HLTF: variants seen among roughly 807,000 people sequenced by gnomAD.
The protein encoded by HLTF is DNA-dependent ATPase/E3 ubiquitin-protein ligase HLTF.
Under a neutral mutation model 129.4 loss-of-function variants are expected in HLTF, and 127 were observed. The ratio of observed to expected loss-of-function variants is 0.98; its 90% CI spans 0.85 to 1.14. HLTF has a LOEUF of 1.14. Ranked by LOEUF, HLTF falls within the 50% of genes most tolerant of loss-of-function variation. The probability of loss-of-function intolerance (pLI) is 0.00; values close to 1 mark genes in which losing one functional copy is unlikely to be tolerated. For synonymous variants in HLTF, 332 were observed against 388.8 expected, an observed-to-expected ratio of 0.85 and a Z score of 1.72; for missense variants, 1,139 against 1,187.1, an observed-to-expected ratio of 0.96 and a Z score of 0.60.
At chr3:149,034,427 G>A (rs1353900774) in intron 24 of HLTF, among the ~76,000 whole-genome samples, 1 of 152,134 alleles carries the variant, frequency 6.6e-6, no homozygotes, top group Non-Finnish European at 1.5e-5. Context: ...GGGCTGGGGG[G>A]AGAGGAATGG....
At chr3:149,047,821 C>G (rs766410203) in intron 17 of HLTF, among the ~76,000 whole-genome samples, 2 of 152,038 alleles carry the variant, frequency 1.3e-5, no homozygotes, top group African/African-American at 4.8e-5. Context: ...TTAGCCACAA[C>G]AGGGGAAGGG....
intron 2 of HLTF, among the ~76,000 whole-genome samples, chr3:149,081,429 C>T (rs571764469): frequency 2.0e-5 from 3 of 152,044 alleles, no homozygotes; most frequent in Admixed American, 1.3e-4. Flanking sequence ...GTGCTCAAAT[C>T]GCAAGTCCAA....
chr3:149,073,400 A>G (rs1300845946), intron 4 of HLTF, 78 bp from the exon 5 acceptor site: 6 of 998,440 alleles, frequency 6.0e-6, no homozygotes, highest in African/African-American at 3.2e-5. Context: ...CTTTTAAAAT[A>G]TGCATTAACA....
chr3:149,037,785 G>A (rs528681238), intron 23 of HLTF, among the ~76,000 whole-genome samples: 15 of 152,254 alleles, frequency 9.9e-5, no homozygotes, highest in African/African-American at 3.6e-4. Flanking sequence ...ACAGCAGAGG[G>A]TTGCCTTTAG....
chr3:149,078,218 T>C (rs111876178), intron 2 of HLTF, among the ~76,000 whole-genome samples: 13 of 152,264 alleles, frequency 8.5e-5, no homozygotes, highest in East Asian at 1.9e-4. Context: ...ATGTTTGACA[T>C]AGTAGAAAAA....
rs1714901581 is a variant in HLTF, at chr3:149,030,401, T to TAAAC, written c.*1815_*1818dup. The TAAAC allele has an allele frequency of 6.6e-6, 1 of 152,136 alleles. No homozygotes were observed. 9.4% of individuals were successfully genotyped at this position (152,136 alleles called of 1,614,324 possible). On this transcript the variant is annotated 3_prime_UTR_variant, in exon 25 of 25. Transcript: ENST00000310053. Reference sequence around the variant, plus strand: ...CTGTACAAAACAAAGAGACATTTTTTAAACAACTTGCCAAACTTACTTATG... The same window carrying TAAAC: ...CTGTACAAAACAAAGAGACATTTTTTAAACAAACAACTTGCCAAACTTACTTATG...
chr3:149,062,924 G>A (rs1718067423), intron 10 of HLTF: 5 of 341,318 alleles, frequency 1.5e-5, no homozygotes, highest in South Asian at 1.3e-4. Flanking sequence ...TTATAGGTCA[G>A]TATCATTCTT....
chr3:149,060,163 AGTT>A, intron 12 of HLTF, among the ~76,000 whole-genome samples: 1 of 152,322 alleles, frequency 6.6e-6, no homozygotes, highest in Non-Finnish European at 1.5e-5. Flanking sequence ...CAAGATGATC[AGTT>A]ATTTTCCAAA....
chr3:149,041,517 A>G lies in HLTF; in HGVS notation c.2349T>C (p.Cys783=). 3.1e-6 allele frequency: 5 copies of G among 1,613,202 alleles called. No individual in the cohort carries two copies. Among genetic ancestry groups the G allele is most frequent in the Non-Finnish European group, 4.2e-6 (5 of 1,179,466 alleles). ...GCTCATTCTGAATGACTTGGCAAAT[A>G]CAGGGTTTACAAAATACATGTGCAC... ...THCAHVFCKP[C]ICQVIQNEQP... is the part of the protein sequence containing the mutation. The change falls in exon 20 of 25, where the codon TGT becomes TGC. Residue 783 remains cysteine (C), a synonymous_variant. Coordinates refer to ENST00000310053, the MANE Select transcript of HLTF (RefSeq NM_003071.4).
At position 149,037,327 on chromosome 3, in the gene HLTF, C is replaced by A. The variant is rs370204976; in HGVS notation, c.2796+1722G>T. On this transcript the variant is annotated intron_variant, in intron 23 of 24. Coordinates refer to ENST00000310053, the MANE Select transcript of HLTF (RefSeq NM_003071.4). ...CTACTAAAAATGCAAAAATTAGCCACGCGTGGTGGCAGGTGCCTGTAATCC... is the reference window on the plus strand; with the variant it reads ...CTACTAAAAATGCAAAAATTAGCCAAGCGTGGTGGCAGGTGCCTGTAATCC... 1.3e-4 allele frequency among the ~76,000 whole-genome samples: 20 copies of A among 151,578 alleles called. No individual in the cohort carries two copies. In the South Asian group the frequency reaches 2.9e-3, roughly 22 times the overall value.
Position 149,068,227 on chromosome 3 carries a change from A to G in HLTF, c.990+13T>C. ...TGGAGGTTTCACATAAAGCGCACTT[A>G]CTACTACTTTACCTTCTTCAGTAGA... On this transcript the variant is annotated intron_variant, in intron 8 of 24. Coordinates refer to ENST00000310053, the MANE Select transcript of HLTF (RefSeq NM_003071.4). 1 of 1,175,432 alleles carries G rather than the reference A, an allele frequency of 8.5e-7. No homozygotes were observed. Among genetic ancestry groups the G allele is most frequent in the South Asian group, 1.3e-5 (1 of 74,918 alleles). 72.8% of individuals were successfully genotyped at this position (1,175,432 alleles called of 1,614,324 possible). A position where few individuals can be genotyped will look rare whatever the true frequency, so the allele number is the denominator to read the frequency against.
intron 2 of HLTF, among the ~76,000 whole-genome samples, chr3:149,079,463 CTATCTCATTAAAAAGTA>C (rs1719691578): frequency 6.9e-6 from 1 of 145,296 alleles, no homozygotes; most frequent in Non-Finnish European, 1.5e-5. Context: ...AATTTTTGTC[CTATCTCATTAAAAAGTA>C]TATAATTATA....
intron 13 of HLTF, among the ~76,000 whole-genome samples, chr3:149,056,521 T>C (rs1317025094): frequency 6.6e-6 from 1 of 152,194 alleles, no homozygotes; most frequent in East Asian, 1.9e-4. Context: ...CATTCACAAC[T>C]TGCTTTTTTC....
At position 149,031,003 on chromosome 3, in the gene HLTF, G is replaced by A. The variant is rs1714972924; in HGVS notation, c.*1217C>T. On this transcript the variant is annotated 3_prime_UTR_variant, in exon 25 of 25. Transcript: ENST00000310053. ...ATCAAACATGAAGCTTCTCTTGTTT[G>A]TTAGAGTAATTAATCTTTCTTTGGA... The A allele has an allele frequency of 6.6e-6, 1 of 152,086 alleles. No homozygotes were observed. Among genetic ancestry groups the A allele is most frequent in the Non-Finnish European group, 1.5e-5 (1 of 68,006 alleles). The allele number at this position is 152,086 out of a possible 1,614,324, so 9.4% of individuals were successfully genotyped here.
In HLTF at chr3:149,076,864, C is replaced by T. The variant is rs892193798; in HGVS notation, c.229-817G>A. Among the ~76,000 whole-genome samples the T allele has an allele frequency of 3.9e-5, 6 of 152,258 alleles. No individual in the cohort carries two copies. In the South Asian group the frequency reaches 6.2e-4, roughly 16 times the overall value. On this transcript the variant is annotated intron_variant, in intron 2 of 24. Coordinates refer to ENST00000310053, the MANE Select transcript of HLTF (RefSeq NM_003071.4). ...AGAACACTGAGAACTAAATCAAAGG[C>T]TTGCAGAAATCTGGGTAACATTTAT...
At chr3:149,043,535 G>A (rs1716295638) in intron 18 of HLTF, among the ~76,000 whole-genome samples, 2 of 117,162 alleles carry the variant, frequency 1.7e-5, no homozygotes, top group South Asian at 2.9e-4. Context: ...AGAAGTTGCT[G>A]AACTTCAGAG....
intron 2 of HLTF, among the ~76,000 whole-genome samples, chr3:149,081,316 G>C (rs1362366538): frequency 1.4e-5 from 2 of 146,492 alleles, no homozygotes; most frequent in African/African-American, 5.0e-5. Flanking sequence ...GAAAACACCA[G>C]AGTTAAAAAT....
chr3:149,066,122 T>C (rs944887966), intron 8 of HLTF, among the ~76,000 whole-genome samples: 6 of 152,118 alleles, frequency 3.9e-5, no homozygotes, highest in African/African-American at 1.4e-4. Flanking sequence ...TCTCGGCTCA[T>C]TGAAACCTCT....
At chr3:149,048,789 A>C (rs896671728) in intron 16 of HLTF, 74 bp downstream of exon 16, 1 of 1,181,554 alleles carries the variant, frequency 8.5e-7, no homozygotes, top group African/African-American at 1.5e-5. Flanking sequence ...TAAGTTTACA[A>C]AGTTACTTTA....
Sources: allele counts gnomAD v4.1 joint callset (sites outside exome capture counted in the v4.1 genomes callset), GRCh38; gene constraint gnomAD v4.1.1; transcripts MANE v1.5; gene names NCBI Gene and HGNC (gene_info 2026-07-23, HGNC 2026-07-21).